Variants in ZNF544 observed in about 807,000 individuals in gnomAD.
The protein encoded by ZNF544 is zinc finger protein AF020591.
ZNF544 carries 10 observed loss-of-function variants against 13.5 expected under a neutral mutation model. The observed-to-expected ratio is 0.74, with a 90% CI of 0.46 to 1.25. The LOEUF is 1.25. ZNF544 is among the 50% of genes most tolerant of loss of function. The probability of loss-of-function intolerance (pLI) is 0.00; values close to 1 mark genes in which losing one functional copy is unlikely to be tolerated. For missense variants in ZNF544, 896 were observed against 845.6 expected (o/e 1.06, Z -0.74); for synonymous variants, 323 against 300.5 (o/e 1.07, Z -0.77).
At chr19:58,268,145 C>G (rs2050169448), downstream of ZNF544, among the ~76,000 whole-genome samples, 1 of 150,166 alleles carries the variant, frequency 6.7e-6, no homozygotes, top group Non-Finnish European at 1.5e-5. Context: ...ACTAAAAATA[C>G]AAAATTAGCC....
chr19:58,250,361 A>G (rs1447097559), intron 6 of ZNF544, among the ~76,000 whole-genome samples: 4 of 152,212 alleles, frequency 2.6e-5, no homozygotes, highest in Non-Finnish European at 4.4e-5. Context: ...GGGGAACCAA[A>G]AGATAACTAG....
intron 3 of ZNF544, chr19:58,242,122 C>G: frequency 1.8e-6 from 1 of 558,164 alleles, no homozygotes; most frequent in Non-Finnish European, 2.3e-6. Flanking sequence ...GGAGAGTTCT[C>G]AGAAGAGATT....
intron 6 of ZNF544, chr19:58,247,188 C>G (rs2045420430): frequency 6.4e-6 from 1 of 155,230 alleles, no homozygotes; most frequent in African/African-American, 2.4e-5. Flanking sequence ...CTGGCTCAAG[C>G]AATTCTCATG....
chr19:58,277,163 T>C (rs1255486258), intron 6 of ZNF544: 1 of 1,231,636 alleles, frequency 8.1e-7, no homozygotes, highest in Non-Finnish European at 1.0e-6. Flanking sequence ...GTAACTTGCC[T>C]AACACCTGCT....
Position 58,252,009 on chromosome 19 carries a change from A to G in ZNF544, c.244+5215A>G, listed in dbSNP as rs140009314. Among the ~76,000 whole-genome samples the G allele has an allele frequency of 8.5e-3, 1,287 of 152,292 alleles. 21 individuals are homozygous for G. Among genetic ancestry groups the G allele is most frequent in the African/African-American group, 0.026 (1,086 of 41,556 alleles). ...GATTATTTCCTTTAAGAGAACCTTT[A>G]TAACTTCATTAAACTTCTCTGTTCT... On this transcript the variant is annotated intron_variant, in intron 6 of 6. Transcript: ENST00000687789.
chr19:58,228,991 G>A (rs898275821), intron 1 of ZNF544, 45 bp downstream of exon 1: 1 of 152,408 alleles, frequency 6.6e-6, no homozygotes, highest in Non-Finnish European at 1.5e-5. Context: ...TTCACTGTTA[G>A]CCGGGTGCGG....
rs751686452 is a variant in ZNF544, at chr19:58,260,902, C to T, written c.296C>T (p.Ala99Val). The stretch of plus-strand genomic sequence containing the variant: ...AGGTTGAATTCTGAAAAAGATCGAG[C>T]TAGGGAAGAACTATCCCACCACGTG... Reference protein sequence around the residue: ...ENRLNSEKDRAREELSHHVEV... With the variant: ...ENRLNSEKDRVREELSHHVEV... The change falls in exon 7 of 7, where the codon GCT becomes GTT. Residue 99 changes from alanine (A) to valine (V), a missense_variant. By Grantham distance (64) the Ala-to-Val change is moderately conservative. Coordinates refer to ENST00000687789, the MANE Select transcript of ZNF544 (RefSeq NM_014480.4). The T allele has an allele frequency of 1.2e-6, 2 of 1,612,532 alleles. No individual in the cohort carries two copies. Among genetic ancestry groups the T allele is most frequent in the East Asian group, 2.2e-5 (1 of 44,852 alleles).
intron 3 of ZNF544, among the ~76,000 whole-genome samples, chr19:58,242,519 CTT>C (rs146833444): frequency 1.4e-5 from 2 of 142,750 alleles, no homozygotes; most frequent in African/African-American, 2.6e-5. Flanking sequence ...AGTTGTTTCG[CTT>C]TTTTTTTTTT....
At chr19:58,256,632 A>T (rs1381375353) in intron 6 of ZNF544, among the ~76,000 whole-genome samples, 3 of 152,192 alleles carry the variant, frequency 2.0e-5, no homozygotes, top group Non-Finnish European at 4.4e-5. Context: ...GCCGGACACA[A>T]ACTCAAGGTT....
intron 3 of ZNF544, among the ~76,000 whole-genome samples, chr19:58,238,856 A>G (rs919195073): frequency 6.6e-6 from 1 of 150,404 alleles, no homozygotes; most frequent in African/African-American, 2.5e-5. Context: ...TCAACCCACT[A>G]AGTCACGGTA....
Position 58,262,466 on chromosome 19 carries a change from C to G in ZNF544, c.1860C>G (p.Ile620Met). The part of the protein sequence containing the change: ...GKAFNRSTQL[I>M]RHLQIHTGEK... ...CCTTCAATCGAAGCACTCAGCTCAT[C>G]AGGCATCTGCAAATTCACACTGGGG... The change falls in exon 7 of 7, where the codon ATC (isoleucine) becomes ATG (methionine). Residue 620 changes from isoleucine to methionine, a missense_variant. Coordinates refer to ENST00000687789, the MANE Select transcript of ZNF544 (RefSeq NM_014480.4). 6.2e-7 allele frequency: 1 copy of G among 1,614,178 alleles called. No homozygotes were observed. Among genetic ancestry groups the G allele is most frequent in the South Asian group, 1.1e-5 (1 of 91,088 alleles).
At chr19:58,267,905 C>A (rs1285441371), downstream of ZNF544, among the ~76,000 whole-genome samples, 1 of 148,408 alleles carries the variant, frequency 6.7e-6, no homozygotes, top group Non-Finnish European at 1.5e-5. Context: ...GGCGTGAACT[C>A]AGGAGAAGGA....
At chr19:58,258,487 C>CTGAGTGT (rs1568492704) in intron 6 of ZNF544, 3 of 48,504 alleles carry the variant, frequency 6.2e-5, no homozygotes. Context: ...GTGCTGGGTG[C>CTGAGTGT]GAGGGCACCA....
chr19:58,232,632 A>G (rs2041509308), intron 3 of ZNF544, among the ~76,000 whole-genome samples: 1 of 151,820 alleles, frequency 6.6e-6, no homozygotes, highest in Admixed American at 6.6e-5. Context: ...TTCTCATGCT[A>G]ATAAAGACAT....
At chr19:58,264,710 C>G (rs1263937464), downstream of ZNF544, among the ~76,000 whole-genome samples, 1 of 148,164 alleles carries the variant, frequency 6.7e-6, no homozygotes, top group Non-Finnish European at 1.5e-5. Flanking sequence ...AACAAACAAA[C>G]AAAAAACCCT....
At chr19:58,265,130 C>A (rs2049695971), downstream of ZNF544, among the ~76,000 whole-genome samples, 1 of 152,090 alleles carries the variant, frequency 6.6e-6, no homozygotes, top group African/African-American at 2.4e-5. Context: ...ATGGAAAATA[C>A]TTATCAGGGG....
chr19:58,241,179 A>ATATATATTTTT (rs1181835768), intron 3 of ZNF544, among the ~76,000 whole-genome samples: 1 of 72,766 alleles, frequency 1.4e-5, no homozygotes, highest in African/African-American at 5.9e-5. Flanking sequence ...ATATATATAT[A>ATATATATTTTT]TTTTTTTTTT....
downstream of ZNF544, among the ~76,000 whole-genome samples, chr19:58,264,984 C>T (rs1001723531): frequency 6.6e-6 from 1 of 152,106 alleles, no homozygotes; most frequent in Non-Finnish European, 1.5e-5. Flanking sequence ...CACTGCACTC[C>T]AGCCTAGGCA....
At chr19:58,275,905 C>T (rs914975270) in intron 5 of ZNF544, among the ~76,000 whole-genome samples, 3 of 151,808 alleles carry the variant, frequency 2.0e-5, no homozygotes, top group Admixed American at 6.6e-5. Context: ...TACACAGGGC[C>T]GGGTGCAGTG....
Sources: allele counts gnomAD v4.1 joint callset (sites outside exome capture counted in the v4.1 genomes callset), GRCh38; gene constraint gnomAD v4.1.1; transcripts MANE v1.5; gene names NCBI Gene and HGNC (gene_info 2026-07-23, HGNC 2026-07-21).